The following MYBPC3 variants were observed in gnomAD, a reference collection of about 807,000 sequenced individuals.
The protein encoded by MYBPC3 is myosin-binding protein C, cardiac-type.
MYBPC3 carries 108 observed loss-of-function variants against 159.3 expected under a neutral mutation model. The observed-to-expected ratio is 0.68, with a 90% CI of 0.58 to 0.80. The LOEUF is 0.80. Ranked by LOEUF, MYBPC3 falls within the 30% of genes least tolerant of loss-of-function variation. MYBPC3 has a pLI of 0.00. For synonymous variants in MYBPC3, 730 were observed against 702.0 expected, an observed-to-expected ratio of 1.04 and a Z score of -0.63; for missense variants, 1,631 against 1,762.1, an observed-to-expected ratio of 0.93 and a Z score of 1.33.
Position 47,346,325 on chromosome 11 carries a change from G to T in MYBPC3, c.972C>A (p.Ile324=), listed in dbSNP as rs2095894072. 3 of 1,611,096 alleles carry T rather than the reference G, an allele frequency of 1.9e-6. No individual in the cohort carries two copies. Among genetic ancestry groups the T allele is most frequent in the Non-Finnish European group, 2.5e-6 (3 of 1,178,646 alleles). The part of the protein sequence containing the change: ...EAPAEEDVWE[I]LRQAPPSEYE... The stretch of plus-strand genomic sequence containing the variant: ...ACTCAGATGGGGGTGCCTGCCGTAG[G>T]ATCTCCCACACGTCCTCCTCTGCTG... Residue 324 remains isoleucine, a synonymous_variant, in exon 12 of 35, where the codon ATC becomes ATA. Transcript: ENST00000545968. This position sits in a 1 kb window ranked among gnomAD's most constrained non-coding sequence, Gnocchi z 5.3.
At position 47,352,690 on chromosome 11, in the gene MYBPC3, C is replaced by T; in HGVS notation, c.-43G>A. ...CAGGCACGAAGCAGGCACAGGTCAC[C>T]CAAAGAGGGACTGAGTGGGGTCCTG... On this transcript the variant is annotated 5_prime_UTR_variant, in exon 1 of 35. Transcript: ENST00000545968. 2 of 1,546,270 alleles carry T rather than the reference C, an allele frequency of 1.3e-6. No individual in the cohort carries two copies. Among genetic ancestry groups the T allele is most frequent in the Non-Finnish European group, 1.7e-6 (2 of 1,148,092 alleles).
rs368104687 is a variant in MYBPC3 at position 47,337,783 on chromosome 11, C to T, written c.2320G>A (p.Ala774Thr). 43 of 1,551,002 alleles carry T rather than the reference C, an allele frequency of 2.8e-5. No homozygotes were observed. The highest frequency in any genetic ancestry group is 3.6e-5 in the Non-Finnish European group (41 of 1,147,300). The change falls in exon 24 of 35, where the codon GCA becomes ACA. Residue 774 changes from alanine (A) to threonine (T), a missense_variant. Ala to Thr is a moderately conservative substitution (Grantham distance 58, BLOSUM62 0). Coordinates refer to ENST00000545968, the MANE Select transcript of MYBPC3 (RefSeq NM_000256.3). Reference protein sequence around the residue: ...LTVKVIDVPDAPAAPKISNVG... With the variant: ...LTVKVIDVPDTPAAPKISNVG... ...TTGCTGATCTTGGGGGCCGCAGGTG[C>T]GTCTGGCACGTCTGGATGGGGTGGG...
intron 25 of MYBPC3, 49 bp from the exon 26 acceptor site, chr11:47,336,060 T>C: frequency 7.2e-7 from 1 of 1,385,468 alleles, no homozygotes; most frequent in South Asian, 1.9e-5. Context: ...CTGGGGAAGC[T>C]GGAGATCCAT....
At chr11:47,347,944 A>C (rs748470733) in intron 6 of MYBPC3, 39 bp from the exon 7 acceptor site, 86 of 1,553,104 alleles carry the variant, frequency 5.5e-5, no homozygotes, top group Non-Finnish European at 6.2e-5. Flanking sequence ...AAGGGGCTTC[A>C]GAGGGGGCCG....
In MYBPC3 at chr11:47,340,120, TAC is replaced by T. The variant is rs145375791; in HGVS notation, c.1928-332_1928-331del. Among the ~76,000 whole-genome samples, 195 of 149,534 alleles carry T rather than the reference TAC, an allele frequency of 1.3e-3. No homozygotes were observed. In the Middle Eastern group the frequency reaches 0.024, roughly 18 times the overall value. On this transcript the variant is annotated intron_variant, in intron 20 of 34. Transcript: ENST00000545968. ...GCCACACACATACACACACACACAA[TAC>T]ACACACACACACGCATATACACATA...
chr11:47,350,002 G>C lies in MYBPC3; in HGVS notation c.505+12C>G. On this transcript the variant is annotated intron_variant, in intron 4 of 34. Transcript: ENST00000545968. ...TCCCACCCCAATGCTGGGCACAGCA[G>C]CTCACACTCACCCACGGTCACCTCG... is the stretch of plus-strand genomic sequence containing the variant. The C allele has an allele frequency of 6.4e-7, 1 of 1,560,162 alleles. No homozygotes were observed.
chr11:47,348,862 G>A (rs1429299350), intron 5 of MYBPC3, among the ~76,000 whole-genome samples: 4 of 138,048 alleles, frequency 2.9e-5, no homozygotes, highest in Non-Finnish European at 6.3e-5. Flanking sequence ...CCGAGATTGA[G>A]CCACTGCACT....
At chr11:47,352,117 G>C (rs943406695) in intron 1 of MYBPC3, among the ~76,000 whole-genome samples, 1 of 152,136 alleles carries the variant, frequency 6.6e-6, no homozygotes, top group Non-Finnish European at 1.5e-5. Flanking sequence ...TCAACATGGG[G>C]GCCACACCGT....
rs1215424568 is a variant in MYBPC3, at chr11:47,351,886, G to A, written c.26-381C>T. Among the ~76,000 whole-genome samples, 15 of 152,198 alleles carry A rather than the reference G, an allele frequency of 9.9e-5. No homozygotes were observed. The highest frequency in any genetic ancestry group is 2.2e-4 in the Non-Finnish European group (15 of 68,044). On this transcript the variant is annotated intron_variant, in intron 1 of 34. Transcript: ENST00000545968. This position sits in a 1 kb window ranked among gnomAD's most constrained non-coding sequence, Gnocchi z 4.2. Reference sequence around the variant, plus strand: ...GGGGAAGTCTGCCTACTTGGAATGTGGCCAAATTTGTCCTCCAAGGACCTC... The same window carrying A: ...GGGGAAGTCTGCCTACTTGGAATGTAGCCAAATTTGTCCTCCAAGGACCTC...
chr11:47,334,285 G>A (rs2095880205), intron 27 of MYBPC3, among the ~76,000 whole-genome samples: 1 of 152,236 alleles, frequency 6.6e-6, no homozygotes, highest in African/African-American at 2.4e-5. Flanking sequence ...AGACCAGGGT[G>A]TAAGCCTGGG....
chr11:47,333,269 C>T lies in MYBPC3; in HGVS notation c.3255G>A (p.Glu1085=). Residue 1085 remains glutamate, a synonymous_variant, in exon 30 of 35, where the codon GAG becomes GAA. Transcript: ENST00000545968. ...TGCCGACATCCTGGGGTGGCTTCCA[C>T]TCCAGAGCCACATTAAGACCCCAGG... ...TDAWGLNVAL[E]WKPPQDVGNT... The T allele has an allele frequency of 5.7e-6, 9 of 1,589,274 alleles. No individual in the cohort carries two copies. Among genetic ancestry groups the T allele is most frequent in the Non-Finnish European group, 7.7e-6 (9 of 1,167,480 alleles).
rs730880643 is a variant in MYBPC3, at chr11:47,342,656, CGTT to C, written c.1543_1545del (p.Asn515del). ...TGCCCCGCGTCCTCCAGCATGGCCT[CGTT>C]GATGATCAGGTGGTGTCTCTGCCCG... On this transcript the variant is annotated inframe_deletion, in exon 17 of 35. Coordinates refer to ENST00000545968, the MANE Select transcript of MYBPC3 (RefSeq NM_000256.3). 3 of 1,613,892 alleles carry C rather than the reference CGTT, an allele frequency of 1.9e-6. No homozygotes were observed. Among genetic ancestry groups the C allele is most frequent in the Non-Finnish European group, 2.5e-6 (3 of 1,179,894 alleles).
In MYBPC3 at chr11:47,349,795, G is replaced by C; in HGVS notation, c.633C>G (p.Asp211Glu). 3 of 1,608,314 alleles carry C rather than the reference G, an allele frequency of 1.9e-6. No homozygotes were observed. The highest frequency in any genetic ancestry group is 2.5e-6 in the Non-Finnish European group (3 of 1,179,708). The change falls in exon 5 of 35, where the codon GAC (aspartate) becomes GAG (glutamate). Residue 211 changes from aspartate (D) to glutamate (E), a missense_variant. Asp to Glu is a conservative substitution (Grantham distance 45). Coordinates refer to ENST00000545968, the MANE Select transcript of MYBPC3 (RefSeq NM_000256.3). ...CCACCTTGCTGGCGCGGTCGTAGCTGTCGTGCAGCTGCAGGTGCTGGCCCA... is the reference window on the plus strand; with the variant it reads ...CCACCTTGCTGGCGCGGTCGTAGCTCTCGTGCAGCTGCAGGTGCTGGCCCA... Reference protein sequence around the residue: ...SKVGQHLQLHDSYDRASKVYL... With the variant: ...SKVGQHLQLHESYDRASKVYL...
Position 47,337,517 on chromosome 11 carries a change from T to C in MYBPC3, c.2476A>G (p.Ile826Val). The C allele has an allele frequency of 6.2e-7, 1 of 1,614,022 alleles. No individual in the cohort carries two copies. Among genetic ancestry groups the C allele is most frequent in the Non-Finnish European group, 8.5e-7 (1 of 1,179,882 alleles). Residue 826 changes from isoleucine to valine, a missense_variant, in exon 25 of 35, where the codon ATT becomes GTT. By Grantham distance (29) the Ile-to-Val change is conservative. Transcript: ENST00000545968. ...YRWMRLNFDLIQELSHEARRM... is the reference protein window; with the variant it reads ...YRWMRLNFDLVQELSHEARRM... ...CGCGCTTCATGACTCAGCTCCTGAA[T>C]CAGGTCGAAGTTCAGCCGCATCCAC... is the stretch of plus-strand genomic sequence containing the variant.
rs1198932061 is a variant in MYBPC3 at position 47,346,582 on chromosome 11, C to A, written c.926+45G>T. The A allele has an allele frequency of 5.9e-6, 9 of 1,535,580 alleles. No individual in the cohort carries two copies. Among genetic ancestry groups the A allele is most frequent in the Non-Finnish European group, 7.9e-6 (9 of 1,138,212 alleles). ...GCTGGGGATCTGGAGGGGCTCCTGG[C>A]AGAATTAGGGGTGATGAGGGTGCTG... On this transcript the variant is annotated intron_variant, in intron 11 of 34. Transcript: ENST00000545968. The surrounding 1 kb of genome is among the most constrained non-coding windows in gnomAD (Gnocchi z 5.3).
chr11:47,338,587 G>A lies in MYBPC3; in HGVS notation c.2241C>T (p.Gly747=), dbSNP rs755910458. 4.3e-5 allele frequency: 69 copies of A among 1,613,806 alleles called. No individual in the cohort carries two copies. Among genetic ancestry groups the A allele is most frequent in the Non-Finnish European group, 5.5e-5 (65 of 1,179,876 alleles). ...GGTTCTTCACTGTGACCGTGTAGACGCCCTCATCTTCCTTCTCTGCCCCCT... is the reference window on the plus strand; with the variant it reads ...GGTTCTTCACTGTGACCGTGTAGACACCCTCATCTTCCTTCTCTGCCCCCT... ...TVEGAEKEDE[G]VYTVTVKNPV... Residue 747 remains glycine, a synonymous_variant, in exon 23 of 35, where the codon GGC becomes GGT. Coordinates refer to ENST00000545968, the MANE Select transcript of MYBPC3 (RefSeq NM_000256.3). This position sits in a 1 kb window ranked among gnomAD's most constrained non-coding sequence, Gnocchi z 4.7.
At chr11:47,340,292 C>T (rs530099720) in intron 20 of MYBPC3, among the ~76,000 whole-genome samples, 23 of 152,170 alleles carry the variant, frequency 1.5e-4, no homozygotes, top group Admixed American at 3.3e-4. Flanking sequence ...CACACACACG[C>T]GCGCACACAT....
intron 26 of MYBPC3, 159 bp downstream of exon 26, chr11:47,335,718 A>T: frequency 3.3e-6 from 2 of 611,106 alleles, no homozygotes; most frequent in Non-Finnish European, 2.6e-6. Flanking sequence ...TTCACTAGGC[A>T]AGCTTTTTTA....
chr11:47,348,224 C>A (rs948629784), intron 6 of MYBPC3, among the ~76,000 whole-genome samples, 200 bp downstream of exon 6: 2 of 152,204 alleles, frequency 1.3e-5, no homozygotes, highest in African/African-American at 4.8e-5. Flanking sequence ...CCAGATGAGA[C>A]CCGGACTCAG....
Sources: allele counts gnomAD v4.1 joint callset (sites outside exome capture counted in the v4.1 genomes callset), GRCh38; gene constraint gnomAD v4.1.1; non-coding constraint Gnocchi (gnomAD v3.1); transcripts MANE v1.5; gene names NCBI Gene and HGNC (gene_info 2026-07-23, HGNC 2026-07-21).